Variants in PRKD3 observed in about 807,000 individuals in gnomAD.
The protein encoded by PRKD3 is serine/threonine-protein kinase D3.
In PRKD3, 47 loss-of-function variants were observed where a neutral mutation model predicts 99.2. The ratio of observed to expected loss-of-function variants is 0.47; its 90% CI spans 0.38 to 0.60. The LOEUF (loss-of-function observed/expected upper bound fraction) is 0.60. Among genes scored for constraint, PRKD3 ranks in the 20% least tolerant of loss-of-function variants. The probability of loss-of-function intolerance (pLI) is 0.00; values close to 1 mark genes in which losing one functional copy is unlikely to be tolerated. For missense variants in PRKD3, 1,019 were observed against 1,088.4 expected, an observed-to-expected ratio of 0.94 and a Z score of 0.90; for synonymous variants, 392 against 355.4, an observed-to-expected ratio of 1.10 and a Z score of -1.16.
In PRKD3 at chr2:37,316,612, G is replaced by T; in HGVS notation, c.-88C>A. 1 of 1,515,702 alleles carries T rather than the reference G, an allele frequency of 6.6e-7. No individual in the cohort carries two copies. Among genetic ancestry groups the T allele is most frequent in the Non-Finnish European group, 8.8e-7 (1 of 1,137,904 alleles). The allele number at this position is 1,515,702 out of a possible 1,614,324, so 93.9% of individuals were successfully genotyped here. A position where few individuals can be genotyped will look rare whatever the true frequency, so the allele number is the denominator to read the frequency against. On this transcript the variant is annotated 5_prime_UTR_variant, in exon 2 of 19. Transcript: ENST00000234179. ...TTAAAATAACAGCAGTAAAGAAAAT[G>T]ACCGCACTTTTGGATTTAGTTGAAA...
intron 2 of PRKD3, among the ~76,000 whole-genome samples, chr2:37,303,170 T>TGGAACTCA (rs1250506049): frequency 6.6e-6 from 1 of 152,064 alleles, no homozygotes; most frequent in Non-Finnish European, 1.5e-5. Flanking sequence ...GAAGAGCCGC[T>TGGAACTCA]GGACCTCAGG....
chr2:37,256,368 G>A (rs1198671873), intron 17 of PRKD3, among the ~76,000 whole-genome samples: 2 of 152,178 alleles, frequency 1.3e-5, no homozygotes, highest in Non-Finnish European at 2.9e-5. Context: ...GACTAGGAAG[G>A]ACCAGAAAAG....
At chr2:37,287,430 T>A (rs921397994) in intron 5 of PRKD3, among the ~76,000 whole-genome samples, 11 of 151,906 alleles carry the variant, frequency 7.2e-5, no homozygotes, top group African/African-American at 2.4e-4. Context: ...CTCTGTCTCT[T>A]GTTTTTTTCT....
intron 1 of PRKD3, 124 bp from the exon 2 acceptor site, chr2:37,317,303 C>T: frequency 1.3e-5 from 4 of 298,200 alleles, no homozygotes; most frequent in Non-Finnish European, 2.0e-5. Context: ...CTAATAAATC[C>T]TAATGGGTAG....
intron 17 of PRKD3, among the ~76,000 whole-genome samples, chr2:37,255,184 T>C (rs1298019709): frequency 6.6e-6 from 1 of 152,232 alleles, no homozygotes; most frequent in Non-Finnish European, 1.5e-5. Flanking sequence ...ACATCTCTTA[T>C]GAGCTTCTTC....
intron 12 of PRKD3, among the ~76,000 whole-genome samples, chr2:37,270,461 T>C (rs1037822245): frequency 1.3e-5 from 2 of 152,040 alleles, no homozygotes; most frequent in African/African-American, 4.8e-5. Flanking sequence ...AATCCATTCC[T>C]CTATCTTTCC....
At position 37,293,149 on chromosome 2, in the gene PRKD3, C is replaced by T; in HGVS notation, c.411G>A (p.Val137=). 1 of 1,583,614 alleles carries T rather than the reference C, an allele frequency of 6.3e-7. No homozygotes were observed. Among genetic ancestry groups the T allele is most frequent in the Non-Finnish European group, 8.7e-7 (1 of 1,156,034 alleles). ...CTTACTTACCTGAAAGAACCACTTC[C>T]ACTAGGTCTCCTTCATGTATTTCAT... ...SADEIHEGDL[V]EVVLSALATV... is the part of the protein sequence containing the mutation. Residue 137 remains valine (V), a synonymous_variant, in exon 3 of 19, where the codon GTG becomes GTA. Transcript: ENST00000234179.
intron 6 of PRKD3, 146 bp from the exon 7 acceptor site, chr2:37,282,765 C>A: frequency 1.6e-6 from 1 of 626,468 alleles, no homozygotes; most frequent in South Asian, 2.0e-5. Context: ...CACTTTAGCA[C>A]CCCTCTGCAC....
intron 2 of PRKD3, among the ~76,000 whole-genome samples, chr2:37,307,845 G>A (rs1354256326): frequency 1.3e-5 from 2 of 152,140 alleles, no homozygotes; most frequent in East Asian, 1.9e-4. Context: ...AAAGCTCAAC[G>A]ATAAATGATC....
chr2:37,284,679 G>A (rs1385743789), intron 6 of PRKD3, among the ~76,000 whole-genome samples: 1 of 152,128 alleles, frequency 6.6e-6, no homozygotes, highest in African/African-American at 2.4e-5. Flanking sequence ...ATTTCATCAT[G>A]TTATAATGCC....
In PRKD3 at chr2:37,282,549, G is replaced by A. The variant is rs192490203; in HGVS notation, c.981C>T (p.Phe327=). The change falls in exon 7 of 19, where the codon TTC becomes TTT. Residue 327 remains phenylalanine (F), a synonymous_variant. Transcript: ENST00000234179. ...TAAGAAAAATAATTTTACCTCCATT[G>A]AAAGTAACCTCTCCAAGGCAGTCTC... ...VPRDCLGEVT[F]NGEPSSLGTD... is the part of the protein sequence containing the mutation. 4 of 1,577,144 alleles carry A rather than the reference G, an allele frequency of 2.5e-6. No individual in the cohort carries two copies. The African/African-American group carries it at 5.4e-5, about 21-fold the overall frequency.
chr2:37,302,073 A>G (rs1396812150), intron 2 of PRKD3, among the ~76,000 whole-genome samples: 7 of 152,228 alleles, frequency 4.6e-5, no homozygotes, highest in Admixed American at 1.3e-4. Context: ...AGAGGCTAGG[A>G]AATGTGGAAG....
At chr2:37,293,788 T>G (rs1670554364) in intron 2 of PRKD3, among the ~76,000 whole-genome samples, 2 of 152,220 alleles carry the variant, frequency 1.3e-5, no homozygotes, top group Admixed American at 1.3e-4. Context: ...CTAAATGCAT[T>G]TGTCACAGAG....
At chr2:37,265,165 AG>A (rs1389129426) in intron 14 of PRKD3, among the ~76,000 whole-genome samples, 3 of 152,134 alleles carry the variant, frequency 2.0e-5, no homozygotes, top group Non-Finnish European at 2.9e-5. Context: ...GGAGGACTAC[AG>A]GTAAGAATGA....
At chr2:37,264,152 C>T (rs1462671048) in intron 14 of PRKD3, among the ~76,000 whole-genome samples, 1 of 152,064 alleles carries the variant, frequency 6.6e-6, no homozygotes, top group Non-Finnish European at 1.5e-5. Context: ...CTAGATGTGG[C>T]CAGGTTGACA....
chr2:37,319,551 G>A (rs1671789316), intron 1 of PRKD3, among the ~76,000 whole-genome samples: 1 of 152,118 alleles, frequency 6.6e-6, no homozygotes, highest in Admixed American at 6.6e-5. Context: ...ATGCTTACTT[G>A]TAAGCAGTTT....
intron 2 of PRKD3, 68 bp downstream of exon 2, chr2:37,316,169 A>G (rs1671645637): frequency 2.1e-6 from 3 of 1,427,620 alleles, no homozygotes; most frequent in Middle Eastern, 1.8e-4. Flanking sequence ...ACTCACTGGT[A>G]CACGTATAAT....
rs1667422617 is a variant in PRKD3, at chr2:37,250,776, A to T, written c.*2401T>A. On this transcript the variant is annotated 3_prime_UTR_variant, in exon 19 of 19. Coordinates refer to ENST00000234179, the MANE Select transcript of PRKD3 (RefSeq NM_005813.6). Reference sequence around the variant, plus strand: ...TTTACAAAAAGTTGGATATAACCAAAAAAATATTAAAAATGTACTGAACAG... The same window carrying T: ...TTTACAAAAAGTTGGATATAACCAATAAAATATTAAAAATGTACTGAACAG... The T allele has an allele frequency of 6.6e-6, 1 of 152,572 alleles. No individual in the cohort carries two copies. Among genetic ancestry groups the T allele is most frequent in the Admixed American group, 6.5e-5 (1 of 15,272 alleles). 9.5% of individuals were successfully genotyped at this position (152,572 alleles called of 1,614,324 possible).
chr2:37,262,933 T>G (rs1180262601), intron 14 of PRKD3, among the ~76,000 whole-genome samples: 2 of 149,858 alleles, frequency 1.3e-5, no homozygotes, highest in Non-Finnish European at 3.0e-5. Context: ...CTAAGATCAT[T>G]TTGTATATTC....
Sources: gnomAD v4.1 joint callset for allele counts (sites outside exome capture counted in the v4.1 genomes callset) on GRCh38, gnomAD v4.1.1 for gene constraint, MANE v1.5 for transcripts, NCBI Gene and HGNC (gene_info 2026-07-23, HGNC 2026-07-21) for gene names.